The following VWCE variants were observed in gnomAD, a reference collection of about 807,000 sequenced individuals.
The protein encoded by VWCE is von Willebrand factor C and EGF domains, also known as von Willebrand factor C and EGF domain-containing protein.
VWCE carries 68 observed loss-of-function variants against 102.9 expected under a neutral mutation model. The observed-to-expected ratio is 0.66, with a 90% CI of 0.54 to 0.81. VWCE has a LOEUF of 0.81. VWCE is among the 30% of genes least tolerant of loss of function. The pLI, the probability that VWCE is intolerant of heterozygous loss-of-function variation, is 0.00. For missense variants in VWCE, 1,137 were observed against 1,263.6 expected, an observed-to-expected ratio of 0.90 and a Z score of 1.52; for synonymous variants, 497 against 515.4, an observed-to-expected ratio of 0.96 and a Z score of 0.48.
intron 13 of VWCE, among the ~76,000 whole-genome samples, chr11:61,272,359 A>G (rs945952601): frequency 1.3e-5 from 2 of 152,140 alleles, no homozygotes; most frequent in African/African-American, 2.4e-5. Flanking sequence ...ACACACTCAT[A>G]GAATCATACA....
chr11:61,290,773 T>G, intron 4 of VWCE, 26 bp downstream of exon 4: 171 of 719,400 alleles, frequency 2.4e-4, no homozygotes, highest in Non-Finnish European at 2.9e-4. Flanking sequence ...CCCCTCCCCC[T>G]CCCCCACCAC....
At chr11:61,268,822 G>T in intron 15 of VWCE, 100 bp downstream of exon 15, 1 of 1,210,988 alleles carries the variant, frequency 8.3e-7, no homozygotes, top group Non-Finnish European at 1.2e-6. Flanking sequence ...TGTCCCTTGG[G>T]GTTGTTAGGA....
Position 61,286,383 on chromosome 11 carries a change from T to C in VWCE, c.472A>G (p.Thr158Ala), listed in dbSNP as rs542481210. ...CACTCGCACACAAACCCACCTTCTG[T>C]GTTCACACAGTGGCCCTCGCAGGAG... ...TSSCEGHCVN[T>A]EGGFVCECGP... The change falls in exon 5 of 20, where the codon ACA becomes GCA. Residue 158 changes from threonine to alanine, a missense_variant. By Grantham distance (58) the Thr-to-Ala change is moderately conservative. Around this residue, in one of 5 missense-constraint regions of VWCE, gnomAD observed 575 missense variants for 625.9 expected, o/e 0.92. Transcript: ENST00000335613. 2.5e-5 allele frequency: 40 copies of C among 1,612,908 alleles called. No individual in the cohort carries two copies. The East Asian group carries it at 8.5e-4, about 34-fold the overall frequency.
rs1855600574 is a variant in VWCE at position 61,294,156 on chromosome 11, G to A, written c.110+772C>T. On this transcript the variant is annotated intron_variant, in intron 1 of 19. Transcript: ENST00000335613. This position sits in a 1 kb window ranked among gnomAD's most constrained non-coding sequence, Gnocchi z 6.3. ...AGGGCTGGTGACAGAGGGACAGGTG[G>A]TGGGAGCCTGTGGAACGCCGGGGAG... Among the ~76,000 whole-genome samples the A allele has an allele frequency of 6.6e-6, 1 of 152,206 alleles. No individual in the cohort carries two copies. Among genetic ancestry groups the A allele is most frequent in the Non-Finnish European group, 1.5e-5 (1 of 68,030 alleles).
chr11:61,295,312 G>A lies in VWCE; in HGVS notation c.-275C>T, dbSNP rs962864797. ...CCCGCCTGCTGATGCCTCTCCGAGA[G>A]GCGCGGAGCCCGGGGCGGGGGCAAA... On this transcript the variant is annotated 5_prime_UTR_variant, in exon 1 of 20. Transcript: ENST00000335613. The surrounding 1 kb of genome is among the most constrained non-coding windows in gnomAD (Gnocchi z 4.6). The A allele has an allele frequency of 3.2e-6, 1 of 309,098 alleles. No individual in the cohort carries two copies. The highest frequency in any genetic ancestry group is 5.9e-6 in the Non-Finnish European group (1 of 168,910). The allele number at this position is 309,098 out of a possible 1,614,324, so 19.1% of individuals were successfully genotyped here.
chr11:61,293,544 T>G, intron 1 of VWCE, among the ~76,000 whole-genome samples: 1 of 151,712 alleles, frequency 6.6e-6, no homozygotes, highest in South Asian at 2.1e-4. Flanking sequence ...CCAGCTCCAG[T>G]CATGGACTGG....
intron 12 of VWCE, 73 bp from the exon 13 acceptor site, chr11:61,273,389 C>A: frequency 1.4e-6 from 2 of 1,400,014 alleles, no homozygotes; most frequent in Non-Finnish European, 1.9e-6. Context: ...TAGAGGAGGC[C>A]GCAGGCTGCC....
At chr11:61,288,681 A>G (rs2134846480) in intron 4 of VWCE, among the ~76,000 whole-genome samples, 1 of 152,332 alleles carries the variant, frequency 6.6e-6, no homozygotes, top group East Asian at 1.9e-4. Context: ...GGTGAAAGGC[A>G]TTCAGGAGCA....
In VWCE at chr11:61,284,676, G is replaced by A. The variant is rs186765730; in HGVS notation, c.541+1638C>T. 1.3e-3 allele frequency among the ~76,000 whole-genome samples: 192 copies of A among 152,182 alleles called. 1 individual carries two copies. The highest frequency in any genetic ancestry group is 2.3e-3 in the Non-Finnish European group (154 of 68,008). On this transcript the variant is annotated intron_variant, in intron 5 of 19. Transcript: ENST00000335613. Reference sequence around the variant, plus strand: ...AGAAGAGACATGAGAGGCCTAGCTGGGTGGCTCACGCCTGTAATCCCAGCA... The same window carrying A: ...AGAAGAGACATGAGAGGCCTAGCTGAGTGGCTCACGCCTGTAATCCCAGCA...
chr11:61,264,956 C>T lies in VWCE; in HGVS notation c.2139G>A (p.Gln713=). ...DDEPCTRCTC[Q]LGEVSCEKVP... The stretch of plus-strand genomic sequence containing the variant: ...TCCTGGGTTCCCAGGCCCAGCTCAC[C>T]TGGCACGTGCACCGGGTGCAGGGTT... The change falls in exon 18 of 20, where the codon CAG becomes CAA. Residue 713 remains glutamine, a splice_region_variant and synonymous_variant. Coordinates refer to ENST00000335613, the MANE Select transcript of VWCE (RefSeq NM_152718.2). The T allele has an allele frequency of 1.2e-6, 2 of 1,613,664 alleles. No homozygotes were observed. Among genetic ancestry groups the T allele is most frequent in the Non-Finnish European group, 1.7e-6 (2 of 1,180,026 alleles).
At chr11:61,287,094 C>T (rs1855359199) in intron 4 of VWCE, among the ~76,000 whole-genome samples, 1 of 152,252 alleles carries the variant, frequency 6.6e-6, no homozygotes, top group African/African-American at 2.4e-5. Flanking sequence ...GAGACTCCAT[C>T]TCAAGAAAGA....
At position 61,280,837 on chromosome 11, in the gene VWCE, T is replaced by C. The variant is rs112988640; in HGVS notation, c.1186A>G (p.Arg396Gly). 2 of 1,556,074 alleles carry C rather than the reference T, an allele frequency of 1.3e-6. No individual in the cohort carries two copies. Among genetic ancestry groups the C allele is most frequent in the African/African-American group, 2.7e-5 (2 of 73,370 alleles). Residue 396 changes from arginine (R) to glycine (G), a missense_variant, in exon 8 of 20, where the codon AGG becomes GGG. This residue lies in a region of VWCE where 575 missense variants were observed against 625.9 expected (regional missense o/e 0.92). Transcript: ENST00000335613. Reference protein sequence around the residue: ...CWHLGAMHESRSRWTEPGCSQ... With the variant: ...CWHLGAMHESGSRWTEPGCSQ... ...CACCCAGGCTCTGTCCAGCGACTCC[T>C]TGATTCATGCATGGCTCCCAGGTGC... is the stretch of plus-strand genomic sequence containing the variant.
chr11:61,280,535 G>T, intron 9 of VWCE, 89 bp downstream of exon 9: 2 of 1,320,260 alleles, frequency 1.5e-6, no homozygotes, highest in Non-Finnish European at 2.1e-6. Context: ...TCTAATGTAT[G>T]CTAATGTTAA....
intron 16 of VWCE, 142 bp from the exon 17 acceptor site, chr11:61,265,354 G>C (rs1294367778): frequency 2.8e-6 from 2 of 708,584 alleles, no homozygotes; most frequent in African/African-American, 3.7e-5. Context: ...CAGTGGGGCA[G>C]GGGGCGCATT....
chr11:61,278,277 GA>G, intron 10 of VWCE, 116 bp downstream of exon 10: 1 of 1,121,208 alleles, frequency 8.9e-7, no homozygotes, highest in Non-Finnish European at 1.3e-6. Flanking sequence ...CACAACCTGA[GA>G]ATGTTCCCTT....
At chr11:61,270,209 G>A (rs765791152) in intron 14 of VWCE, among the ~76,000 whole-genome samples, 13 of 152,102 alleles carry the variant, frequency 8.5e-5, no homozygotes, top group Admixed American at 2.6e-4. Flanking sequence ...GTGAGCCACC[G>A]CGCCCGGCCC....
At chr11:61,260,142 C>G (rs1381780573) in intron 19 of VWCE, among the ~76,000 whole-genome samples, 1 of 152,182 alleles carries the variant, frequency 6.6e-6, no homozygotes, top group African/African-American at 2.4e-5. Flanking sequence ...GTAGTCCCAG[C>G]TACTCGGGAG....
chr11:61,292,651 C>T (rs1855540825), intron 1 of VWCE, among the ~76,000 whole-genome samples: 1 of 152,182 alleles, frequency 6.6e-6, no homozygotes, highest in African/African-American at 2.4e-5. Flanking sequence ...AAGCCAGATG[C>T]ATCCAACTGG....
chr11:61,274,669 C>A, intron 11 of VWCE, 85 bp from the exon 12 acceptor site: 1 of 1,242,176 alleles, frequency 8.1e-7, no homozygotes. Context: ...TAGGGAGCCC[C>A]GGGGCACTTA....
Sources: allele counts gnomAD v4.1 joint callset (sites outside exome capture counted in the v4.1 genomes callset), GRCh38; gene constraint gnomAD v4.1.1; regional missense constraint gnomAD v4.1.1; non-coding constraint Gnocchi (gnomAD v3.1); transcripts MANE v1.5; gene names NCBI Gene and HGNC (gene_info 2026-07-23, HGNC 2026-07-21).